Variants in BLM observed in about 807,000 individuals in gnomAD.
The protein encoded by BLM is recQ-like DNA helicase BLM.
BLM carries 95 observed loss-of-function variants against 135.3 expected under a neutral mutation model. The observed-to-expected ratio is 0.70, with a 90% CI of 0.59 to 0.83. The LOEUF (loss-of-function observed/expected upper bound fraction) is 0.83, where lower values mean the gene tolerates loss of function less well. Ranked by LOEUF, BLM falls within the 40% of genes least tolerant of loss-of-function variation. The probability of loss-of-function intolerance (pLI) is 0.00; values close to 1 mark genes in which losing one functional copy is unlikely to be tolerated. For missense variants in BLM, 1,518 were observed against 1,663.9 expected, an observed-to-expected ratio of 0.91 and a Z score of 1.53; for synonymous variants, 520 against 589.2, an observed-to-expected ratio of 0.88 and a Z score of 1.70.
At chr15:90,772,401 T>C (rs1278876388) in intron 12 of BLM, among the ~76,000 whole-genome samples, 2 of 152,116 alleles carry the variant, frequency 1.3e-5, no homozygotes, top group African/African-American at 2.4e-5. Flanking sequence ...TTAACTATAA[T>C]AGAACAATAA....
intron 9 of BLM, among the ~76,000 whole-genome samples, 185 bp from the exon 10 acceptor site, chr15:90,766,725 G>A (rs1896138064): frequency 6.6e-6 from 1 of 152,206 alleles, no homozygotes; most frequent in Admixed American, 6.5e-5. Context: ...ACCACGCCCT[G>A]CCTGAGTTAT....
At position 90,782,931 on chromosome 15, in the gene BLM, G is replaced by C. The variant is rs1297020716; in HGVS notation, c.2662+3G>C. On this transcript the variant is annotated splice_donor_region_variant and intron_variant, in intron 13 of 21. Coordinates refer to ENST00000355112, the MANE Select transcript of BLM (RefSeq NM_000057.4). ...ATGGATCAGAAAGCACCACCCATGT[G>C]AGTACAGCCATGTGATTAGCTGTCT... 1 of 1,600,124 alleles carries C rather than the reference G, an allele frequency of 6.2e-7. No individual in the cohort carries two copies. The highest frequency in any genetic ancestry group is 8.6e-7 in the Non-Finnish European group (1 of 1,167,326).
rs61059865 is a variant in BLM at position 90,789,987 on chromosome 15, GTTTTTTTTTTTTTTTT to G, written c.2824-641_2824-626del. Among the ~76,000 whole-genome samples the G allele has an allele frequency of 1.3e-3, 74 of 57,372 alleles. 2 individuals are homozygous for G. The highest frequency in any genetic ancestry group is 6.4e-3 in the Admixed American group (27 of 4,202). The allele number at this position is 57,372 out of a possible 152,430, so 37.6% of individuals were successfully genotyped here. On this transcript the variant is annotated intron_variant, in intron 14 of 21. Transcript: ENST00000355112. ...AGGTCTAAGATCCGCAGTCCCTGGT[GTTTTTTTTTTTTTTTT>G]TTTTTTTTTTTTTTTTTTTTGGTAT...
At chr15:90,724,963 C>T (rs764825388) in intron 1 of BLM, among the ~76,000 whole-genome samples, 1 of 152,136 alleles carries the variant, frequency 6.6e-6, no homozygotes, top group Non-Finnish European at 1.5e-5. Context: ...GGCTGGAGTG[C>T]AGTGGTATGA....
At chr15:90,792,435 A>T (rs551101678) in intron 15 of BLM, among the ~76,000 whole-genome samples, 1 of 152,274 alleles carries the variant, frequency 6.6e-6, no homozygotes, top group Admixed American at 6.5e-5. Flanking sequence ...CTCTGGCAGA[A>T]GTACAGTGCA....
At chr15:90,805,554 C>A (rs1377885711) in intron 19 of BLM, among the ~76,000 whole-genome samples, 1 of 151,516 alleles carries the variant, frequency 6.6e-6, no homozygotes, top group Non-Finnish European at 1.5e-5. Context: ...CTTTGGGAGG[C>A]CAAGGCAGGT....
Position 90,785,036 on chromosome 15 carries a change from C to CA in BLM, c.2779dup (p.Arg927LysfsTer3). ...ACCATGCTGGCCTCAGTGATTCTGCCAGAGATGAAGTGCAGCAGAAGTGGA... is the reference window on the plus strand; with the variant it reads ...ACCATGCTGGCCTCAGTGATTCTGCCAAGAGATGAAGTGCAGCAGAAGTGGA... On this transcript the variant is annotated frameshift_variant, in exon 14 of 22. Coordinates refer to ENST00000355112, the MANE Select transcript of BLM (RefSeq NM_000057.4). LOFTEE classifies it high-confidence loss of function. 6.2e-7 allele frequency: 1 copy of CA among 1,614,090 alleles called. No individual in the cohort carries two copies. The highest frequency in any genetic ancestry group is 2.2e-5 in the East Asian group (1 of 44,872).
At chr15:90,810,478 G>A (rs1336903415) in intron 20 of BLM, among the ~76,000 whole-genome samples, 1 of 152,208 alleles carries the variant, frequency 6.6e-6, no homozygotes, top group African/African-American at 2.4e-5. Context: ...TGCTGCTCCT[G>A]TAGGGTGGCC....
chr15:90,728,966 G>T (rs757601550), intron 1 of BLM, among the ~76,000 whole-genome samples: 25 of 151,968 alleles, frequency 1.6e-4, no homozygotes, highest in Non-Finnish European at 2.6e-4. Flanking sequence ...TATCGCGGGA[G>T]CCCAGAAATT....
intron 9 of BLM, among the ~76,000 whole-genome samples, chr15:90,766,512 C>T (rs1474615445): frequency 6.6e-6 from 1 of 152,158 alleles, no homozygotes; most frequent in East Asian, 1.9e-4. Flanking sequence ...ACTGCAACCT[C>T]TGCCTCCCAA....
At chr15:90,774,708 C>T (rs1896425302) in intron 12 of BLM, among the ~76,000 whole-genome samples, 1 of 151,340 alleles carries the variant, frequency 6.6e-6, no homozygotes, top group South Asian at 2.1e-4. Flanking sequence ...GTGGCATGCA[C>T]CTATAGTCGC....
chr15:90,719,437 A>G (rs868422586), intron 1 of BLM, among the ~76,000 whole-genome samples: 1 of 152,228 alleles, frequency 6.6e-6, no homozygotes. Flanking sequence ...CTCCCTCTCT[A>G]TAGTAAATAC....
chr15:90,726,152 A>G (rs2151129210), intron 1 of BLM, among the ~76,000 whole-genome samples: 1 of 152,302 alleles, frequency 6.6e-6, no homozygotes, highest in Admixed American at 6.5e-5. Context: ...GGGAGCATTC[A>G]ATATCCTCCT....
intron 21 of BLM, among the ~76,000 whole-genome samples, chr15:90,813,225 C>G (rs1276666164): frequency 6.6e-6 from 1 of 152,208 alleles, no homozygotes; most frequent in Non-Finnish European, 1.5e-5. Flanking sequence ...TAGAACAAAG[C>G]AAACCATATT....
chr15:90,717,705 T>G (rs921793209), intron 1 of BLM, among the ~76,000 whole-genome samples: 3 of 152,258 alleles, frequency 2.0e-5, no homozygotes, highest in African/African-American at 7.2e-5. Context: ...GGCTAGGACC[T>G]GGCATGTTGT....
At chr15:90,802,981 A>C (rs1897197556) in intron 17 of BLM, among the ~76,000 whole-genome samples, 1 of 152,068 alleles carries the variant, frequency 6.6e-6, no homozygotes, top group African/African-American at 2.4e-5. Flanking sequence ...ATTAATAAAT[A>C]CTAGATGCAC....
chr15:90,769,614 G>C (rs1896246761), intron 12 of BLM, 28 bp downstream of exon 12: 2 of 1,609,470 alleles, frequency 1.2e-6, no homozygotes, highest in Non-Finnish European at 1.7e-6. Flanking sequence ...ACGTATTTGA[G>C]AACCCTGGGG....
intron 13 of BLM, 131 bp downstream of exon 13, chr15:90,783,059 C>G: frequency 1.4e-6 from 1 of 693,910 alleles, no homozygotes; most frequent in South Asian, 1.7e-5. Flanking sequence ...CTTTATAGAG[C>G]AGACTATTGC....
chr15:90,755,038 A>C (rs932349951), intron 5 of BLM, 100 bp downstream of exon 5: 33 of 1,422,608 alleles, frequency 2.3e-5, no homozygotes, highest in Non-Finnish European at 3.8e-6. Context: ...TGTATGTTAT[A>C]AAATGGCAGA....
Sources: gnomAD v4.1 joint callset for allele counts (sites outside exome capture counted in the v4.1 genomes callset) on GRCh38, gnomAD v4.1.1 for gene constraint, MANE v1.5 for transcripts, NCBI Gene and HGNC (gene_info 2026-07-23, HGNC 2026-07-21) for gene names.